Variants in ZNF385D observed in about 807,000 individuals in gnomAD.
ZNF385D encodes zinc finger protein 659.
Under a neutral mutation model 35.8 loss-of-function variants are expected in ZNF385D, and 15 were observed. The observed-to-expected ratio is 0.42, with a 90% CI of 0.28 to 0.64. The LOEUF (loss-of-function observed/expected upper bound fraction) is 0.64, where lower values mean the gene tolerates loss of function less well. ZNF385D is among the 30% of genes least tolerant of loss of function. The probability of loss-of-function intolerance (pLI) is 0.23; values close to 1 mark genes in which losing one functional copy is unlikely to be tolerated. For missense variants in ZNF385D, 474 were observed against 494.6 expected, an observed-to-expected ratio of 0.96 and a Z score of 0.39; for synonymous variants, 212 against 186.8, an observed-to-expected ratio of 1.13 and a Z score of -1.10.
intron 2 of ZNF385D, among the ~76,000 whole-genome samples, chr3:21,565,548 A>T (rs2063112681): frequency 2.1e-5 from 2 of 94,006 alleles, no homozygotes; most frequent in South Asian, 5.6e-4. Context: ...CCAGCCCTTG[A>T]TCTTAATTCT....
chr3:22,031,048 C>T (rs2125480288), intron 3 of ZNF385D, among the ~76,000 whole-genome samples: 1 of 152,340 alleles, frequency 6.6e-6, no homozygotes. Context: ...TCCAGGACAT[C>T]CTGATACAAG....
intron 3 of ZNF385D, among the ~76,000 whole-genome samples, chr3:21,543,191 A>G (rs1438104037): frequency 6.6e-6 from 1 of 152,070 alleles, no homozygotes; most frequent in Non-Finnish European, 1.5e-5. Context: ...CGCGCCTGTA[A>G]TCTCAGCTAC....
intron 2 of ZNF385D, among the ~76,000 whole-genome samples, chr3:22,360,073 T>A (rs1288089226): frequency 6.6e-6 from 1 of 151,982 alleles, no homozygotes; most frequent in East Asian, 1.9e-4. Context: ...GGCACTTGAC[T>A]AGCTTAAAAA....
chr3:21,519,185 G>A lies in ZNF385D; in HGVS notation c.277-8162C>T, dbSNP rs139634671. On this transcript the variant is annotated intron_variant, in intron 3 of 7. Transcript: ENST00000281523. ...GATTCTCATACACCACCACTACTCA[G>A]TGGGGAAAAGAAACATTCTAAATAC... 1.4e-3 allele frequency among the ~76,000 whole-genome samples: 208 copies of A among 152,200 alleles called. 1 individual carries two copies. The highest frequency in any genetic ancestry group is 4.6e-3 in the African/African-American group (193 of 41,526).
In ZNF385D at chr3:22,087,291, C is replaced by T. The variant is rs1445051324; in HGVS notation, c.325+81526G>A. Among the ~76,000 whole-genome samples the T allele has an allele frequency of 5.9e-5, 9 of 152,128 alleles. No individual in the cohort carries two copies. In the East Asian group the frequency reaches 1.5e-3, roughly 26 times the overall value. On this transcript the variant is annotated intron_variant, in intron 3 of 5. Coordinates refer to the ZNF385D transcript ENST00000494108. ...TTTGACAGAATGTTAATTGTCTACC[C>T]ATATCCATTTCCTCTAAGCCTTTTA...
At chr3:21,588,304 G>A (rs985336775) in intron 2 of ZNF385D, among the ~76,000 whole-genome samples, 4 of 152,028 alleles carry the variant, frequency 2.6e-5, no homozygotes, top group Non-Finnish European at 5.9e-5. Context: ...AGTTTTATTA[G>A]GTTCAACTTT....
chr3:22,126,561 A>T (rs2125676784), intron 3 of ZNF385D, among the ~76,000 whole-genome samples: 1 of 151,694 alleles, frequency 6.6e-6, no homozygotes, highest in East Asian at 1.9e-4. Flanking sequence ...TATTATTTCA[A>T]TTTTTCTGAA....
At chr3:21,422,926 A>G (rs994472545) in intron 7 of ZNF385D, among the ~76,000 whole-genome samples, 2 of 152,322 alleles carry the variant, frequency 1.3e-5, no homozygotes, top group South Asian at 4.1e-4. Flanking sequence ...AAAAATCAGC[A>G]CAACACAAGG....
At chr3:22,175,543 T>C (rs924747994) in intron 2 of ZNF385D, among the ~76,000 whole-genome samples, 3 of 152,188 alleles carry the variant, frequency 2.0e-5, no homozygotes, top group African/African-American at 4.8e-5. Flanking sequence ...TTAAGTTAAA[T>C]TGCTTCAGAA....
At chr3:21,758,420 C>T (rs1429423351) in intron 3 of ZNF385D, among the ~76,000 whole-genome samples, 1 of 152,098 alleles carries the variant, frequency 6.6e-6, no homozygotes, top group Non-Finnish European at 1.5e-5. Context: ...GTCAGAATTA[C>T]ATGTATTTAG....
At chr3:22,208,630 A>AT (rs1697312297) in intron 2 of ZNF385D, among the ~76,000 whole-genome samples, 1 of 151,788 alleles carries the variant, frequency 6.6e-6, no homozygotes, top group Admixed American at 6.6e-5. Flanking sequence ...CCCTCATGTG[A>AT]TTATTACACA....
intron 2 of ZNF385D, among the ~76,000 whole-genome samples, chr3:21,588,484 G>A (rs533392919): frequency 6.6e-6 from 1 of 151,992 alleles, no homozygotes; most frequent in African/African-American, 2.4e-5. Context: ...ACTTAACTAT[G>A]TCTGTAAGAA....
chr3:22,016,834 C>A (rs1370694486), intron 3 of ZNF385D, among the ~76,000 whole-genome samples: 1 of 151,964 alleles, frequency 6.6e-6, no homozygotes, highest in Non-Finnish European at 1.5e-5. Context: ...AAGCTCCTAG[C>A]CTGCCTCTAT....
At chr3:21,995,383 G>T (rs747785853) in intron 3 of ZNF385D, among the ~76,000 whole-genome samples, 1 of 152,160 alleles carries the variant, frequency 6.6e-6, no homozygotes, top group Admixed American at 6.5e-5. Flanking sequence ...CCCCGAGTGT[G>T]AACATGGGCA....
chr3:22,226,083 T>C (rs545945247), intron 2 of ZNF385D, among the ~76,000 whole-genome samples: 1 of 152,078 alleles, frequency 6.6e-6, no homozygotes, highest in Non-Finnish European at 1.5e-5. Context: ...AGAAACTATA[T>C]GTGGAAAAGA....
intron 2 of ZNF385D, among the ~76,000 whole-genome samples, chr3:21,591,475 C>A (rs899786371): frequency 2.0e-5 from 3 of 151,932 alleles, no homozygotes; most frequent in African/African-American, 7.3e-5. Flanking sequence ...CCAAGATTTA[C>A]CTTTAATGAG....
intron 2 of ZNF385D, among the ~76,000 whole-genome samples, chr3:22,253,613 T>C (rs1165565420): frequency 1.2e-4 from 18 of 152,014 alleles, no homozygotes. Flanking sequence ...TCCAAATCCC[T>C]GGCATTGATT....
chr3:22,033,335 G>C (rs1698118242), intron 3 of ZNF385D, among the ~76,000 whole-genome samples: 1 of 151,632 alleles, frequency 6.6e-6, no homozygotes, highest in African/African-American at 2.4e-5. Flanking sequence ...CCAGGAGACA[G>C]AGGTTGCAGT....
chr3:21,554,743 A>T (rs990281753), intron 3 of ZNF385D, among the ~76,000 whole-genome samples: 1 of 152,158 alleles, frequency 6.6e-6, no homozygotes, highest in Non-Finnish European at 1.5e-5. Flanking sequence ...TGCAGCTCCT[A>T]CATCAGCACT....
Sources: allele counts gnomAD v4.1 joint callset (sites outside exome capture counted in the v4.1 genomes callset), GRCh38; gene constraint gnomAD v4.1.1; transcripts MANE v1.5; gene names NCBI Gene and HGNC (gene_info 2026-07-23, HGNC 2026-07-21).